Variants in WDFY3 observed in about 807,000 individuals in gnomAD.
WDFY3 encodes WD repeat and FYVE domain containing 3, also known as WD repeat and FYVE domain-containing protein 3.
A neutral mutation model predicts 409.6 loss-of-function variants in WDFY3; 66 were observed. That is an observed-to-expected ratio of 0.16 (90% CI 0.13 to 0.20). The LOEUF (loss-of-function observed/expected upper bound fraction) is 0.20, where lower values mean the gene tolerates loss of function less well. Among genes scored for constraint, WDFY3 ranks in the 10% least tolerant of loss-of-function variants. WDFY3 has a pLI of 1.00. For missense variants in WDFY3, 3,031 were observed against 4,298.1 expected, an observed-to-expected ratio of 0.71 and a Z score of 8.24; for synonymous variants, 1,521 against 1,537.1, an observed-to-expected ratio of 0.99 and a Z score of 0.25.
Position 84,679,032 on chromosome 4 carries a change from C to T in WDFY3, c.10034G>A (p.Gly3345Asp), listed in dbSNP as rs748246230. ...SDQLSLDEKD[G>D]FIFVNYSEGQ... ...CTCTGAATAGTTCACAAATATGAAG[C>T]CGTCTTTCTCATCTAGACTGAGCTG... Residue 3345 changes from glycine to aspartate, a missense_variant, in exon 65 of 68, where the codon GGC (glycine) becomes GAC (aspartate). Transcript: ENST00000295888. 5 of 1,614,096 alleles carry T rather than the reference C, an allele frequency of 3.1e-6. No individual in the cohort carries two copies. In the African/African-American group the frequency reaches 4.0e-5, roughly 13 times the overall value.
intron 66 of WDFY3, 21 bp downstream of exon 66, chr4:84,678,147 T>C: frequency 6.3e-7 from 1 of 1,596,354 alleles, no homozygotes; most frequent in Non-Finnish European, 8.6e-7. Flanking sequence ...GAAGCGGAGC[T>C]GGAAAAAGCC....
chr4:84,927,279 TAGACTA>T (rs1282912205), intron 2 of WDFY3, among the ~76,000 whole-genome samples: 1 of 152,086 alleles, frequency 6.6e-6, no homozygotes, highest in Non-Finnish European at 1.5e-5. Flanking sequence ...GAGATATTCT[TAGACTA>T]AATTTACTAA....
chr4:84,786,094 A>G lies in WDFY3; in HGVS notation c.3947T>C (p.Leu1316Ser). The G allele has an allele frequency of 6.2e-7, 1 of 1,613,368 alleles. No homozygotes were observed. Among genetic ancestry groups the G allele is most frequent in the South Asian group, 1.1e-5 (1 of 90,920 alleles). ...SEGVVPSPVS[L>S]VPEEKVSFGL... is the part of the protein sequence containing the mutation. Reference sequence around the variant, plus strand: ...AAATGACACTTTCTCCTCTGGTACTAATGACACAGGGGATGGCACCACCCC... The same window carrying G: ...AAATGACACTTTCTCCTCTGGTACTGATGACACAGGGGATGGCACCACCCC... The change falls in exon 24 of 68, where the codon TTA (leucine) becomes TCA (serine). Residue 1316 changes from leucine (L) to serine (S), a missense_variant. This residue lies in a region of WDFY3 where 1,322 missense variants were observed against 1,697.9 expected (regional missense o/e 0.78). Coordinates refer to ENST00000295888, the MANE Select transcript of WDFY3 (RefSeq NM_014991.6).
rs550193901 is a variant in WDFY3, at chr4:84,829,961, G to A, written c.770-771C>T. On this transcript the variant is annotated intron_variant, in intron 8 of 67. Coordinates refer to ENST00000295888, the MANE Select transcript of WDFY3 (RefSeq NM_014991.6). ...TAAAACACAGTTATATCTTATCCCT[G>A]ACTCTGAGGATTTGTAGCATTTCAA... is the stretch of plus-strand genomic sequence containing the variant. Among the ~76,000 whole-genome samples, 3 of 152,022 alleles carry A rather than the reference G, an allele frequency of 2.0e-5. No individual in the cohort carries two copies. The South Asian group carries it at 6.2e-4, about 32-fold the overall frequency.
chr4:84,855,011 A>T (rs185626621), intron 4 of WDFY3, among the ~76,000 whole-genome samples: 1 of 152,336 alleles, frequency 6.6e-6, no homozygotes, highest in Admixed American at 6.5e-5. Flanking sequence ...TCTAGAATAC[A>T]TATGTGAAAT....
At chr4:84,899,077 G>A (rs140347838) in intron 2 of WDFY3, among the ~76,000 whole-genome samples, 2 of 152,272 alleles carry the variant, frequency 1.3e-5, no homozygotes, top group Non-Finnish European at 2.9e-5. Context: ...TCTAGGATAC[G>A]ATCAACTGTC....
chr4:84,725,319 TAATG>T (rs1358782115), intron 45 of WDFY3, among the ~76,000 whole-genome samples: 1 of 152,216 alleles, frequency 6.6e-6, no homozygotes, highest in Non-Finnish European at 1.5e-5. Context: ...TACTCATTCT[TAATG>T]AACATACAGC....
chr4:84,915,243 T>C (rs1189883958), intron 2 of WDFY3, among the ~76,000 whole-genome samples: 1 of 151,924 alleles, frequency 6.6e-6, no homozygotes, highest in Non-Finnish European at 1.5e-5. Flanking sequence ...CTTCCGGAAA[T>C]AGATAGTGGT....
At chr4:84,735,174 T>C (rs1205040813) in intron 42 of WDFY3, 54 bp from the exon 43 acceptor site, 2 of 1,490,114 alleles carry the variant, frequency 1.3e-6, no homozygotes, top group East Asian at 4.5e-5. Flanking sequence ...TGGAAAAAAA[T>C]AGTTAATTAC....
Position 84,708,889 on chromosome 4 carries a change from C to A in WDFY3, c.8217+20G>T. The stretch of plus-strand genomic sequence containing the variant: ...TTTTTGAAAATGTGTTCTACGTAAG[C>A]AAAATGACTTAAGATTTACCTCTGA... On this transcript the variant is annotated intron_variant, in intron 53 of 67. Transcript: ENST00000295888. 1.2e-6 allele frequency: 2 copies of A among 1,608,808 alleles called. No homozygotes were observed. The highest frequency in any genetic ancestry group is 1.7e-6 in the Non-Finnish European group (2 of 1,177,514).
chr4:84,776,887 CA>C (rs958282248), intron 27 of WDFY3, among the ~76,000 whole-genome samples: 7 of 151,856 alleles, frequency 4.6e-5, no homozygotes, highest in African/African-American at 1.7e-4. Context: ...AATGAGGTCC[CA>C]AGGGTATGTA....
intron 32 of WDFY3, among the ~76,000 whole-genome samples, chr4:84,763,044 A>T (rs1004070828): frequency 2.6e-5 from 4 of 152,154 alleles, no homozygotes; most frequent in Admixed American, 2.6e-4. Context: ...ATTACATTGC[A>T]AGTCCTAAAA....
chr4:84,957,943 G>A (rs1390811642), intron 1 of WDFY3, among the ~76,000 whole-genome samples: 2 of 152,156 alleles, frequency 1.3e-5, no homozygotes, highest in Non-Finnish European at 2.9e-5. Context: ...AAGTGTGAAT[G>A]AGCCAAAACA....
intron 2 of WDFY3, among the ~76,000 whole-genome samples, chr4:84,926,161 C>T (rs1184811671): frequency 2.1e-5 from 3 of 141,546 alleles, no homozygotes; most frequent in East Asian, 2.2e-4. Context: ...GCCAAGATCG[C>T]GCCACCGCAC....
intron 5 of WDFY3, chr4:84,844,629 T>C: frequency 5.1e-6 from 4 of 777,242 alleles, no homozygotes; most frequent in African/African-American, 1.8e-5. Context: ...GCTGCCCATA[T>C]TGGGGATTGC....
chr4:84,930,930 T>C (rs906428586), intron 2 of WDFY3, among the ~76,000 whole-genome samples: 5 of 152,222 alleles, frequency 3.3e-5, no homozygotes, highest in African/African-American at 1.2e-4. Flanking sequence ...AAATATTATA[T>C]ACAGTAAGAT....
Position 84,756,909 on chromosome 4 carries a change from T to G in WDFY3, c.5424+17A>C, listed in dbSNP as rs1402712510. The G allele has an allele frequency of 6.2e-7, 1 of 1,610,806 alleles. No individual in the cohort carries two copies. The highest frequency in any genetic ancestry group is 8.5e-7 in the Non-Finnish European group (1 of 1,177,502). Reference sequence around the variant, plus strand: ...GGAATACGTAATTTCACGCACCCCTTGCTAGATAATTCCTACCTGGCAACC... The same window carrying G: ...GGAATACGTAATTTCACGCACCCCTGGCTAGATAATTCCTACCTGGCAACC... On this transcript the variant is annotated intron_variant, in intron 33 of 67. Coordinates refer to ENST00000295888, the MANE Select transcript of WDFY3 (RefSeq NM_014991.6).
Position 84,678,771 on chromosome 4 carries a change from CTGTG to C in WDFY3, c.10147+144_10147+147del, listed in dbSNP as rs1320600000. On this transcript the variant is annotated intron_variant, in intron 65 of 67. Transcript: ENST00000295888. ...CACTAGAAGAAACTGAAGAGGCCTT[CTGTG>C]TAAAGAGGCATTCTGTGTGAGTGGC... 9.8e-5 allele frequency: 79 copies of C among 802,810 alleles called. No homozygotes were observed. The African/African-American group carries it at 1.3e-3, about 13-fold the overall frequency. 49.7% of individuals were successfully genotyped at this position (802,810 alleles called of 1,614,324 possible).
At position 84,821,505 on chromosome 4, in the gene WDFY3, T is replaced by G. The variant is rs1560846377; in HGVS notation, c.1170A>C (p.Ala390=). 3 of 1,613,756 alleles carry G rather than the reference T, an allele frequency of 1.9e-6. No homozygotes were observed. Among genetic ancestry groups the G allele is most frequent in the Non-Finnish European group, 2.5e-6 (3 of 1,179,800 alleles). ...NVQAFAVLQN[A]FLKAKTSFLA... ...GGAAGCTGGTTTTTGCTTTTAAAAA[T>G]GCATTCTGAAGAACTGCAAAGGCCT... The change falls in exon 11 of 68, where the codon GCA becomes GCC. Residue 390 remains alanine (A), a synonymous_variant. Coordinates refer to ENST00000295888, the MANE Select transcript of WDFY3 (RefSeq NM_014991.6).
Sources: gnomAD v4.1 joint callset for allele counts (sites outside exome capture counted in the v4.1 genomes callset) on GRCh38, gnomAD v4.1.1 for gene constraint, gnomAD v4.1.1 regional missense constraint, MANE v1.5 for transcripts, NCBI Gene and HGNC (gene_info 2026-07-23, HGNC 2026-07-21) for gene names.